The following MKX variants were observed in gnomAD, a reference collection of about 807,000 sequenced individuals.
The protein encoded by MKX is mohawk homeobox, also known as homeobox protein Mohawk.
Under a neutral mutation model 36.0 loss-of-function variants are expected in MKX, and 13 were observed. That is an observed-to-expected ratio of 0.36 (90% CI 0.24 to 0.57). MKX has a LOEUF of 0.57. Ranked by LOEUF, MKX falls within the 20% of genes least tolerant of loss-of-function variation. MKX has a pLI of 0.79. For synonymous variants in MKX, 176 were observed against 178.3 expected (o/e 0.99, Z 0.10); for missense variants, 458 against 456.4 (o/e 1.00, Z -0.03).
intron 5 of MKX, among the ~76,000 whole-genome samples, chr10:27,731,811 G>A (rs553943687): frequency 2.0e-5 from 3 of 151,642 alleles, no homozygotes; most frequent in South Asian, 2.1e-4. Context: ...ATTCACTCTG[G>A]CTTTATATTT....
chr10:27,740,823 G>T (rs552496765), intron 3 of MKX, among the ~76,000 whole-genome samples: 4 of 152,252 alleles, frequency 2.6e-5, no homozygotes, highest in South Asian at 2.1e-4. Flanking sequence ...ATCATTTCTT[G>T]TCTTTCTATC....
At chr10:27,689,695 A>C (rs2815562) in intron 5 of MKX, among the ~76,000 whole-genome samples, 122,140 of 152,040 alleles carry the variant, frequency 0.8, 49,129 homozygotes, top group Admixed American at 0.84. Flanking sequence ...GACCAAAAGA[A>C]CACTAAATAA....
intron 5 of MKX, among the ~76,000 whole-genome samples, chr10:27,729,488 G>A (rs1296597410): frequency 1.3e-5 from 2 of 151,628 alleles, no homozygotes; most frequent in African/African-American, 4.8e-5. Flanking sequence ...TTTATTTTTG[G>A]TAGAGATGGG....
intron 5 of MKX, among the ~76,000 whole-genome samples, chr10:27,730,595 T>C (rs1834603014): frequency 6.6e-6 from 1 of 151,524 alleles, no homozygotes; most frequent in Non-Finnish European, 1.5e-5. Context: ...GTAGCTGGGA[T>C]TAGAGGCGCC....
At chr10:27,680,808 C>T (rs1472628520) in intron 5 of MKX, among the ~76,000 whole-genome samples, 2 of 151,702 alleles carry the variant, frequency 1.3e-5, no homozygotes, top group African/African-American at 4.8e-5. Context: ...TATATGTTTC[C>T]CTAAATTAAA....
In MKX at chr10:27,675,615, G is replaced by A. The variant is rs573860114; in HGVS notation, c.839-61C>T. ...TTTTTCCTTTCTTTTCTCATCTCAG[G>A]AGTTTCATCACTAATGACCAGAAGT... is the stretch of plus-strand genomic sequence containing the variant. On this transcript the variant is annotated intron_variant, in intron 5 of 6. Transcript: ENST00000419761. 1.3e-4 allele frequency: 188 copies of A among 1,499,382 alleles called. 1 individual carries two copies. In the South Asian group the frequency reaches 1.4e-3, roughly 11 times the overall value. 92.9% of individuals were successfully genotyped at this position (1,499,382 alleles called of 1,614,324 possible).
intron 5 of MKX, among the ~76,000 whole-genome samples, chr10:27,717,037 T>G (rs1836978006): frequency 6.6e-6 from 1 of 151,700 alleles, no homozygotes; most frequent in African/African-American, 2.4e-5. Context: ...AACATGTGGG[T>G]GTTGGTTTGA....
chr10:27,715,610 G>T (rs980178835), intron 5 of MKX, among the ~76,000 whole-genome samples: 1 of 152,126 alleles, frequency 6.6e-6, no homozygotes, highest in Non-Finnish European at 1.5e-5. Context: ...GGATAATAAG[G>T]TACCTACTTC....
intron 5 of MKX, among the ~76,000 whole-genome samples, chr10:27,725,964 C>A (rs1323887093): frequency 6.6e-6 from 1 of 152,094 alleles, no homozygotes; most frequent in Non-Finnish European, 1.5e-5. Context: ...TATTTAGAAG[C>A]CCTAGGGAAT....
At chr10:27,688,464 C>A (rs999744597) in intron 5 of MKX, among the ~76,000 whole-genome samples, 4 of 152,174 alleles carry the variant, frequency 2.6e-5, no homozygotes, top group Admixed American at 2.6e-4. Context: ...ACAAAGAGAC[C>A]TGGAGCCACA....
intron 5 of MKX, among the ~76,000 whole-genome samples, chr10:27,678,974 C>T (rs974166113): frequency 1.3e-5 from 2 of 152,196 alleles, no homozygotes; most frequent in Admixed American, 1.3e-4. Flanking sequence ...TTACAAATCT[C>T]AGCAATGTAC....
chr10:27,701,767 TATA>T (rs1246338302), intron 5 of MKX, among the ~76,000 whole-genome samples: 4 of 145,888 alleles, frequency 2.7e-5, no homozygotes, highest in Admixed American at 1.4e-4. Flanking sequence ...ATATATAAAT[TATA>T]ATATAAATAT....
rs958926137 is a variant in MKX at position 27,744,701 on chromosome 10, C to G, written c.-83+1006G>C. 5 of 145,186 alleles carry G rather than the reference C, an allele frequency of 3.4e-5. No individual in the cohort carries two copies. The highest frequency in any genetic ancestry group is 2.2e-4 in the East Asian group (1 of 4,546). The allele number at this position is 145,186 out of a possible 1,614,324, so 9.0% of individuals were successfully genotyped here. On this transcript the variant is annotated intron_variant, in intron 1 of 6. Coordinates refer to ENST00000419761, the MANE Select transcript of MKX (RefSeq NM_173576.3). This position sits in a 1 kb window ranked among gnomAD's most constrained non-coding sequence, Gnocchi z 5.6. ...TGGGCTGCTACTCCACTAACACACG[C>G]GCGCGCGCATACACACACACACACA...
In MKX at chr10:27,726,635, G is replaced by A. The variant is rs73604046; in HGVS notation, c.838+7821C>T. Among the ~76,000 whole-genome samples the A allele has an allele frequency of 2.7e-3, 411 of 150,140 alleles. 1 individual carries two copies. The highest frequency in any genetic ancestry group is 9.8e-3 in the African/African-American group (401 of 40,968). On this transcript the variant is annotated intron_variant, in intron 5 of 6. Coordinates refer to ENST00000419761, the MANE Select transcript of MKX (RefSeq NM_173576.3). ...GAAGTCACTCCTTTACTTGAAAATC[G>A]ATTTAGTTTCATTTTACTCTTTCTA...
chr10:27,697,000 G>A (rs1836567694), intron 5 of MKX, among the ~76,000 whole-genome samples: 1 of 152,162 alleles, frequency 6.6e-6, no homozygotes, highest in African/African-American at 2.4e-5. Context: ...GTAACCACGT[G>A]TTACCTAAAA....
chr10:27,683,941 A>G (rs577502616), intron 5 of MKX, among the ~76,000 whole-genome samples: 68 of 152,252 alleles, frequency 4.5e-4, no homozygotes, highest in Non-Finnish European at 7.4e-5. Context: ...ACTTCTCCAT[A>G]CCTGGAGACT....
chr10:27,707,297 G>A (rs1160933149), intron 5 of MKX, among the ~76,000 whole-genome samples: 2 of 152,108 alleles, frequency 1.3e-5, no homozygotes, highest in Admixed American at 6.5e-5. Context: ...AAATGCATTG[G>A]TCTATAGGTG....
At chr10:27,745,162 C>T (rs894188989) in intron 1 of MKX, among the ~76,000 whole-genome samples, 2 of 152,136 alleles carry the variant, frequency 1.3e-5, no homozygotes, top group Non-Finnish European at 2.9e-5. Flanking sequence ...CTAGATGCGA[C>T]GACGTGTTTT....
chr10:27,706,361 T>A (rs1257643048), intron 5 of MKX, among the ~76,000 whole-genome samples: 1 of 152,182 alleles, frequency 6.6e-6, no homozygotes, highest in Non-Finnish European at 1.5e-5. Context: ...AAATATTTGT[T>A]TCAGTCCCTG....
Sources: gnomAD v4.1 joint callset for allele counts (sites outside exome capture counted in the v4.1 genomes callset) on GRCh38, gnomAD v4.1.1 for gene constraint, Gnocchi (gnomAD v3.1) non-coding constraint, MANE v1.5 for transcripts, NCBI Gene and HGNC (gene_info 2026-07-23, HGNC 2026-07-21) for gene names.